Variants in NT5DC1 observed in about 807,000 individuals in gnomAD.
NT5DC1 encodes the protein 5'-nucleotidase domain containing 1, also known as 5'-nucleotidase domain-containing protein 1.
NT5DC1 carries 42 observed loss-of-function variants against 59.4 expected under a neutral mutation model. The observed-to-expected ratio is 0.71, with a 90% CI of 0.55 to 0.92. The LOEUF is 0.92. Among genes scored for constraint, NT5DC1 ranks in the 40% least tolerant of loss-of-function variants. NT5DC1 has a pLI of 0.00. For synonymous variants in NT5DC1, 172 were observed against 188.1 expected, an observed-to-expected ratio of 0.91 and a Z score of 0.70; for missense variants, 501 against 537.1, an observed-to-expected ratio of 0.93 and a Z score of 0.66.
At chr6:116,111,747 G>A (rs1289155967) in intron 4 of NT5DC1, among the ~76,000 whole-genome samples, 1 of 152,118 alleles carries the variant, frequency 6.6e-6, no homozygotes, top group Non-Finnish European at 1.5e-5. Context: ...TGTTTTGTTT[G>A]CTTGTTTGTT....
At chr6:116,121,921 T>A in intron 6 of NT5DC1, 4 of 1,613,754 alleles carry the variant, frequency 2.5e-6, no homozygotes, top group Non-Finnish European at 3.4e-6. Context: ...CAGCAGGGCC[T>A]GGTGGACCAG....
intron 6 of NT5DC1, among the ~76,000 whole-genome samples, chr6:116,178,088 T>TGTGCGC (rs1491426656): frequency 1.7e-4 from 17 of 99,620 alleles, no homozygotes; most frequent in African/African-American, 7.5e-4. Context: ...TGTGTGTGTG[T>TGTGCGC]GCGCGCGCGC....
At chr6:116,235,893 A>C (rs1039891378) in intron 8 of NT5DC1, among the ~76,000 whole-genome samples, 1 of 122,124 alleles carries the variant, frequency 8.2e-6, no homozygotes, top group Non-Finnish European at 1.6e-5. Context: ...GGGTTGATTT[A>C]CAATAAAGCC....
intron 6 of NT5DC1, among the ~76,000 whole-genome samples, chr6:116,129,061 C>G (rs1779397898): frequency 6.6e-6 from 1 of 152,082 alleles, no homozygotes; most frequent in Non-Finnish European, 1.5e-5. Flanking sequence ...TGAAGTAAAT[C>G]CCATATATTG....
chr6:116,123,903 G>A (rs1779212415), intron 6 of NT5DC1, among the ~76,000 whole-genome samples: 1 of 152,088 alleles, frequency 6.6e-6, no homozygotes, highest in Non-Finnish European at 1.5e-5. Context: ...TCAAGACTTT[G>A]TTATGCTCTT....
intron 8 of NT5DC1, among the ~76,000 whole-genome samples, chr6:116,228,463 G>A (rs1047204452): frequency 3.3e-5 from 5 of 151,832 alleles, no homozygotes; most frequent in South Asian, 2.1e-4. Flanking sequence ...AGCCAAGATC[G>A]CGCCATTGCA....
intron 3 of NT5DC1, among the ~76,000 whole-genome samples, chr6:116,109,736 C>A (rs1229686111): frequency 6.6e-6 from 1 of 152,156 alleles, no homozygotes; most frequent in Non-Finnish European, 1.5e-5. Flanking sequence ...TAAAAAGGAG[C>A]CCATTTGTGA....
rs1382885576 is a variant in NT5DC1 at position 116,247,037 on chromosome 6, ATGCT to A, written c.*3018_*3021del. 6.6e-6 allele frequency: 1 copy of A among 152,218 alleles called. No individual in the cohort carries two copies. Among genetic ancestry groups the A allele is most frequent in the Admixed American group, 6.5e-5 (1 of 15,282 alleles). The allele number at this position is 152,218 out of a possible 1,614,324, so 9.4% of individuals were successfully genotyped here. A position where few individuals can be genotyped will look rare whatever the true frequency, so the allele number is the denominator to read the frequency against. ...TTGAAATTCAGAGAGATTAAATACA[ATGCT>A]TGCTCTGTGTTACACTGTTAGTAAG... On this transcript the variant is annotated 3_prime_UTR_variant, in exon 12 of 12. Coordinates refer to ENST00000319550, the MANE Select transcript of NT5DC1 (RefSeq NM_152729.3).
chr6:116,121,996 G>T, intron 6 of NT5DC1: 1 of 1,570,302 alleles, frequency 6.4e-7, no homozygotes, highest in East Asian at 2.2e-5. Flanking sequence ...ACCCATAGAA[G>T]GGGATGGTTA....
rs1780585014 is a variant in NT5DC1, at chr6:116,170,727, A to T, written c.530-50327A>T. ...CCCTACCCCAAAATTCAGCCTTAGC[A>T]AACTGCTTGCTTGCTGGTACTAGGA... On this transcript the variant is annotated intron_variant, in intron 6 of 11. Transcript: ENST00000319550. Among the ~76,000 whole-genome samples the T allele has an allele frequency of 2.0e-5, 3 of 152,342 alleles. No homozygotes were observed. In the South Asian group the frequency reaches 6.2e-4, roughly 32 times the overall value.
intron 6 of NT5DC1, among the ~76,000 whole-genome samples, chr6:116,171,742 A>C (rs1211742851): frequency 6.6e-6 from 1 of 152,160 alleles, no homozygotes; most frequent in Non-Finnish European, 1.5e-5. Flanking sequence ...GTTTTCTCCC[A>C]TGGTAAGAAC....
chr6:116,146,151 G>A (rs1017353367), intron 6 of NT5DC1, among the ~76,000 whole-genome samples: 2 of 152,244 alleles, frequency 1.3e-5, no homozygotes, highest in African/African-American at 2.4e-5. Flanking sequence ...GCTTTGTGTG[G>A]TGGGTGTGGT....
At chr6:116,179,733 C>A (rs1253398425) in intron 6 of NT5DC1, among the ~76,000 whole-genome samples, 1 of 152,020 alleles carries the variant, frequency 6.6e-6, no homozygotes, top group Non-Finnish European at 1.5e-5. Flanking sequence ...TTATAAGATT[C>A]TGGTTTGATT....
At chr6:116,202,285 T>A (rs1383643679) in intron 6 of NT5DC1, among the ~76,000 whole-genome samples, 1 of 152,002 alleles carries the variant, frequency 6.6e-6, no homozygotes, top group East Asian at 1.9e-4. Context: ...TTTTTTCTTA[T>A]GCTTAGCATG....
chr6:116,191,936 T>C (rs944889557), intron 6 of NT5DC1, among the ~76,000 whole-genome samples: 2 of 152,026 alleles, frequency 1.3e-5, no homozygotes, highest in African/African-American at 4.8e-5. Flanking sequence ...TAAGCTACAT[T>C]GATTGCCATG....
At chr6:116,239,208 A>G (rs927261680) in intron 11 of NT5DC1, 85 bp downstream of exon 11, 37 of 1,014,436 alleles carry the variant, frequency 3.6e-5, no homozygotes, top group Non-Finnish European at 5.1e-5. Context: ...AGAAAAAGAA[A>G]TGTTGCCACA....
Position 116,238,211 on chromosome 6 carries a change from CATTCAGAT to C in NT5DC1, c.950_957del (p.Ser317PhefsTer7), listed in dbSNP as rs750349553. On this transcript the variant is annotated frameshift_variant, in exon 10 of 12. Coordinates refer to ENST00000319550, the MANE Select transcript of NT5DC1 (RefSeq NM_152729.3). LOFTEE classifies it high-confidence loss of function. ...GGTTGTTTATTTTGGTGACAGCATG[CATTCAGAT>C]ATTTTCCCAGCTCGTCACTATAGTA... 1 of 1,610,988 alleles carries C rather than the reference CATTCAGAT, an allele frequency of 6.2e-7. No individual in the cohort carries two copies. Among genetic ancestry groups the C allele is most frequent in the Admixed American group, 1.7e-5 (1 of 59,736 alleles).
chr6:116,127,922 C>G (rs563059592), intron 6 of NT5DC1, among the ~76,000 whole-genome samples: 1 of 152,252 alleles, frequency 6.6e-6, no homozygotes, highest in South Asian at 2.1e-4. Flanking sequence ...ACTTTAACCT[C>G]TCTGGGTGTC....
chr6:116,110,826 A>G lies in NT5DC1; in HGVS notation c.258-24A>G, dbSNP rs778507353. 9.5e-5 allele frequency: 145 copies of G among 1,528,570 alleles called. 1 individual carries two copies. The Admixed American group carries it at 2.2e-3, about 23-fold the overall frequency. The allele number at this position is 1,528,570 out of a possible 1,614,324, so 94.7% of individuals were successfully genotyped here. On this transcript the variant is annotated intron_variant, in intron 3 of 11. Transcript: ENST00000319550. ...GCATTCAAGGAACCATTAATGAGCA[A>G]TGTGCCTCCTCTCTCAAAATCAGGG...
Sources: gnomAD v4.1 joint callset for allele counts (sites outside exome capture counted in the v4.1 genomes callset) on GRCh38, gnomAD v4.1.1 for gene constraint, MANE v1.5 for transcripts, NCBI Gene and HGNC (gene_info 2026-07-23, HGNC 2026-07-21) for gene names.